Variants in PIGH observed in about 807,000 individuals in gnomAD.
PIGH encodes the protein phosphatidylinositol glycan anchor biosynthesis class H.
In PIGH, 11 loss-of-function variants were observed where a neutral mutation model predicts 20.1. The observed-to-expected ratio is 0.55, with a 90% CI of 0.34 to 0.91. The LOEUF (loss-of-function observed/expected upper bound fraction) is 0.91, where lower values mean the gene tolerates loss of function less well. Among genes scored for constraint, PIGH ranks in the 40% least tolerant of loss-of-function variants. PIGH has a pLI of 0.02. For missense variants in PIGH, 189 were observed against 233.6 expected, an observed-to-expected ratio of 0.81 and a Z score of 1.24; for synonymous variants, 72 against 93.1, an observed-to-expected ratio of 0.77 and a Z score of 1.31.
chr14:67,598,572 T>C (rs1002063944), intron 1 of PIGH, among the ~76,000 whole-genome samples: 1 of 152,138 alleles, frequency 6.6e-6, no homozygotes, highest in African/African-American at 2.4e-5. Flanking sequence ...TTAATAAATA[T>C]CTATTTCCTC....
At chr14:67,595,032 G>C (rs1012780135) in intron 1 of PIGH, among the ~76,000 whole-genome samples, 1 of 152,088 alleles carries the variant, frequency 6.6e-6, no homozygotes, top group Non-Finnish European at 1.5e-5. Flanking sequence ...AGCTACTCGG[G>C]AGGCTGAGGC....
chr14:67,595,261 T>C (rs2036452335), intron 1 of PIGH, among the ~76,000 whole-genome samples: 1 of 152,274 alleles, frequency 6.6e-6, no homozygotes, highest in African/African-American at 2.4e-5. Flanking sequence ...TATTCAATGC[T>C]ATACTTAAAG....
At position 67,600,264 on chromosome 14, in the gene PIGH, G is replaced by T. The variant is rs745406769; in HGVS notation, c.-61C>A. 7.7e-5 allele frequency: 106 copies of T among 1,374,620 alleles called. No individual in the cohort carries two copies. Among genetic ancestry groups the T allele is most frequent in the African/African-American group, 3.0e-4 (20 of 66,262 alleles). 85.2% of individuals were successfully genotyped at this position (1,374,620 alleles called of 1,614,324 possible). On this transcript the variant is annotated 5_prime_UTR_variant, in exon 1 of 4. Transcript: ENST00000216452. ...TGCACTGCGCTCGCCGGCCCTGGCC[G>T]TCTCGCCCGCTCCAGACCCGCTTCC... is the stretch of plus-strand genomic sequence containing the variant.
chr14:67,598,812 C>A (rs1594811602), intron 1 of PIGH, among the ~76,000 whole-genome samples: 1 of 151,186 alleles, frequency 6.6e-6, no homozygotes, highest in African/African-American at 2.4e-5. Context: ...CAGGTTCAAG[C>A]GATTCTCCCG....
intron 2 of PIGH, 38 bp downstream of exon 2, chr14:67,593,705 C>T: frequency 2.3e-6 from 3 of 1,292,104 alleles, no homozygotes; most frequent in Non-Finnish European, 3.4e-6. Context: ...GCTACCTCCT[C>T]CAGAGAGGCC....
chr14:67,600,238 C>G lies in PIGH; in HGVS notation c.-35G>C. The G allele has an allele frequency of 6.6e-7, 1 of 1,507,430 alleles. No homozygotes were observed. Among genetic ancestry groups the G allele is most frequent in the South Asian group, 1.3e-5 (1 of 79,380 alleles). The allele number at this position is 1,507,430 out of a possible 1,614,324, so 93.4% of individuals were successfully genotyped here. A position where few individuals can be genotyped will look rare whatever the true frequency, so the allele number is the denominator to read the frequency against. On this transcript the variant is annotated 5_prime_UTR_variant, in exon 1 of 4. Coordinates refer to ENST00000216452, the MANE Select transcript of PIGH (RefSeq NM_004569.5). Reference sequence around the variant, plus strand: ...ACTCGGCCGCCCGCACCGCGCGGCGCTGCACTGCGCTCGCCGGCCCTGGCC... The same window carrying G: ...ACTCGGCCGCCCGCACCGCGCGGCGGTGCACTGCGCTCGCCGGCCCTGGCC...
At chr14:67,597,816 A>G (rs1226105522) in intron 1 of PIGH, among the ~76,000 whole-genome samples, 4 of 152,046 alleles carry the variant, frequency 2.6e-5, no homozygotes, top group Non-Finnish European at 4.4e-5. Context: ...CCAAGGAAAC[A>G]GGATTTAATT....
At position 67,589,581 on chromosome 14, in the gene PIGH, G is replaced by A. The variant is rs2036305173; in HGVS notation, c.*499C>T. On this transcript the variant is annotated 3_prime_UTR_variant, in exon 4 of 4. Coordinates refer to ENST00000216452, the MANE Select transcript of PIGH (RefSeq NM_004569.5). ...CTGTTTATTAACAGTAAATAAATAA[G>A]CCCTGTACAGAACACAGGCACTAGG... 1.0e-6 allele frequency: 1 copy of A among 985,526 alleles called. No individual in the cohort carries two copies. The highest frequency in any genetic ancestry group is 5.2e-4 in the Middle Eastern group (1 of 1,914). The allele number at this position is 985,526 out of a possible 1,614,324, so 61.0% of individuals were successfully genotyped here.
intron 1 of PIGH, among the ~76,000 whole-genome samples, chr14:67,597,076 T>C (rs538870361): frequency 6.6e-6 from 1 of 152,356 alleles, no homozygotes; most frequent in East Asian, 1.9e-4. Context: ...CTGGCCCATC[T>C]CAAGCAAAGA....
At position 67,598,985 on chromosome 14, in the gene PIGH, C is replaced by T. The variant is rs146545285; in HGVS notation, c.180+1039G>A. ...TCAGCTTCCCAAAGTGCTGGGATTA[C>T]AGGCGTGAGGTACAGTGCTTTGCCT... On this transcript the variant is annotated intron_variant, in intron 1 of 3. Transcript: ENST00000216452. Among the ~76,000 whole-genome samples the T allele has an allele frequency of 4.6e-5, 7 of 152,308 alleles. No individual in the cohort carries two copies. The East Asian group carries it at 1.3e-3, about 29-fold the overall frequency.
intron 1 of PIGH, among the ~76,000 whole-genome samples, chr14:67,598,517 G>A (rs1043698165): frequency 1.4e-5 from 2 of 146,828 alleles, no homozygotes; most frequent in South Asian, 2.2e-4. Flanking sequence ...TCGTTCTAGG[G>A]CTAAAGTAAG....
intron 1 of PIGH, among the ~76,000 whole-genome samples, chr14:67,596,774 T>C (rs2036483044): frequency 6.6e-6 from 1 of 152,198 alleles, no homozygotes; most frequent in Non-Finnish European, 1.5e-5. Context: ...AATCCCACCT[T>C]GCCCCTGATG....
At chr14:67,597,281 C>G (rs1282469246) in intron 1 of PIGH, among the ~76,000 whole-genome samples, 1 of 152,146 alleles carries the variant, frequency 6.6e-6, no homozygotes, top group East Asian at 1.9e-4. Context: ...AGTTCAAGAC[C>G]AGCCTGGGCA....
chr14:67,598,157 G>T (rs2036507448), intron 1 of PIGH, among the ~76,000 whole-genome samples: 2 of 152,108 alleles, frequency 1.3e-5, no homozygotes. Flanking sequence ...TCTCATTCCA[G>T]ATATTCATTA....
Position 67,593,396 on chromosome 14 carries a change from T to G in PIGH, c.390+347A>C, listed in dbSNP as rs184713520. 203 of 254,444 alleles carry G rather than the reference T, an allele frequency of 8.0e-4. 3 individuals are homozygous for G. The South Asian group carries it at 9.1e-3, about 11-fold the overall frequency. The allele number at this position is 254,444 out of a possible 1,614,324, so 15.8% of individuals were successfully genotyped here. ...GTCCCAGCTACTCAGGAGGCTGAGGTGGGAGAATGGCTTGAGCCTGGGAAG... is the reference window on the plus strand; with the variant it reads ...GTCCCAGCTACTCAGGAGGCTGAGGGGGGAGAATGGCTTGAGCCTGGGAAG... On this transcript the variant is annotated intron_variant, in intron 2 of 3. Transcript: ENST00000216452.
chr14:67,596,522 T>A lies in PIGH; in HGVS notation c.181-2570A>T, dbSNP rs547460591. Among the ~76,000 whole-genome samples the A allele has an allele frequency of 2.0e-5, 3 of 152,202 alleles. No homozygotes were observed. The South Asian group carries it at 6.2e-4, about 32-fold the overall frequency. ...AGAAATTTTGTAATTTTGGACTGCA[T>A]TCCTTGAGGGCAGGAAGTGTCTTAT... On this transcript the variant is annotated intron_variant, in intron 1 of 3. Transcript: ENST00000216452.
intron 1 of PIGH, among the ~76,000 whole-genome samples, chr14:67,599,268 G>T (rs2036529644): frequency 6.6e-6 from 1 of 152,116 alleles, no homozygotes; most frequent in East Asian, 1.9e-4. Context: ...TGAAAATTAG[G>T]ATAATTCTTT....
At chr14:67,595,431 C>T (rs1178189291) in intron 1 of PIGH, among the ~76,000 whole-genome samples, 1 of 152,192 alleles carries the variant, frequency 6.6e-6, no homozygotes, top group Non-Finnish European at 1.5e-5. Flanking sequence ...AAATCATAGA[C>T]TGAACAATTA....
chr14:67,597,718 G>A (rs2036499711), intron 1 of PIGH, among the ~76,000 whole-genome samples: 2 of 151,606 alleles, frequency 1.3e-5, no homozygotes, highest in South Asian at 4.2e-4. Context: ...AAATATTCTG[G>A]AGGATACTCT....
Sources: allele counts gnomAD v4.1 joint callset (sites outside exome capture counted in the v4.1 genomes callset), GRCh38; gene constraint gnomAD v4.1.1; transcripts MANE v1.5; gene names NCBI Gene and HGNC (gene_info 2026-07-23, HGNC 2026-07-21).